ZNF610: variants seen among roughly 807,000 people sequenced by gnomAD.
ZNF610 encodes the protein zinc finger protein 610, also known as zink finger protein.
Under a neutral mutation model 14.1 loss-of-function variants are expected in ZNF610, and 14 were observed. That is an observed-to-expected ratio of 0.99 (90% confidence interval 0.65 to 1.55). The LOEUF is 1.55. ZNF610 is among the 40% of genes most tolerant of loss of function. The probability of loss-of-function intolerance (pLI) is 0.00; values close to 1 mark genes in which losing one functional copy is unlikely to be tolerated. For missense variants in ZNF610, 530 were observed against 558.0 expected, an observed-to-expected ratio of 0.95 and a Z score of 0.51; for synonymous variants, 185 against 187.6, an observed-to-expected ratio of 0.99 and a Z score of 0.11.
rs181849831 is a variant in ZNF610 at position 52,358,017 on chromosome 19, T to G, written c.319+3638T>G. Among the ~76,000 whole-genome samples, 149 of 152,140 alleles carry G rather than the reference T, an allele frequency of 9.8e-4. No individual in the cohort carries two copies. The Middle Eastern group carries it at 0.01, about 10-fold the overall frequency. ...GCTCTCTGAACCCAGTCCTTTTGGG[T>G]TTTTATAGAAGCTTTATTATATAAT... On this transcript the variant is annotated intron_variant, in intron 5 of 5. Transcript: ENST00000403906.
intron 5 of ZNF610, among the ~76,000 whole-genome samples, chr19:52,358,488 T>G (rs1183027006): frequency 6.6e-5 from 10 of 152,242 alleles, no homozygotes; most frequent in Admixed American, 6.5e-4. Flanking sequence ...GGCCTCCTTT[T>G]TCTATTTGTT....
intron 3 of ZNF610, among the ~76,000 whole-genome samples, chr19:52,353,038 A>C (rs1600235416): frequency 6.6e-6 from 1 of 152,070 alleles, no homozygotes; most frequent in East Asian, 1.9e-4. Flanking sequence ...TCCCAGGTTC[A>C]AGCAATTCTC....
Position 52,366,331 on chromosome 19 carries a change from G to A in ZNF610, c.953G>A (p.Cys318Tyr), listed in dbSNP as rs747600782. The change falls in exon 6 of 6, where the codon TGT (cysteine) becomes TAT (tyrosine). Residue 318 changes from cysteine to tyrosine, a missense_variant. Transcript: ENST00000403906. ...VIHTGEKPYK[C>Y]NECGKNFRHK... Reference sequence around the variant, plus strand: ...CATACTGGAGAGAAACCTTACAAATGTAATGAGTGTGGCAAGAACTTCAGG... The same window carrying A: ...CATACTGGAGAGAAACCTTACAAATATAATGAGTGTGGCAAGAACTTCAGG... 5 of 1,614,000 alleles carry A rather than the reference G, an allele frequency of 3.1e-6. No individual in the cohort carries two copies. The African/African-American group carries it at 4.0e-5, about 13-fold the overall frequency.
At position 52,366,754 on chromosome 19, in the gene ZNF610, T is replaced by G; in HGVS notation, c.1376T>G (p.Leu459Ter). ...GCTGGAGAGAATTCACTGCGTACCT[T>G]ACAGATGGAATGAATGTGGCAAAAT... ...IHAGENSLRT[L>*]QME is the part of the protein sequence containing the mutation. Residue 459 changes from leucine to a stop codon, truncating the protein, a stop_gained, in exon 6 of 6, where the codon TTA (leucine) becomes TGA (stop). Transcript: ENST00000403906. LOFTEE classifies it high-confidence loss of function. The G allele has an allele frequency of 6.2e-7, 1 of 1,609,834 alleles. No individual in the cohort carries two copies. Among genetic ancestry groups the G allele is most frequent in the Non-Finnish European group, 8.5e-7 (1 of 1,176,942 alleles).
At chr19:52,363,574 T>C (rs1166283893) in intron 5 of ZNF610, among the ~76,000 whole-genome samples, 2 of 152,222 alleles carry the variant, frequency 1.3e-5, no homozygotes, top group Non-Finnish European at 2.9e-5. Flanking sequence ...TTTATAGTTG[T>C]TATATCTTCT....
intron 1 of ZNF610, among the ~76,000 whole-genome samples, chr19:52,342,261 T>G (rs1984721645): frequency 6.6e-6 from 1 of 152,034 alleles, no homozygotes; most frequent in Non-Finnish European, 1.5e-5. Context: ...AAAATAAAGG[T>G]TTTATTTTCC....
chr19:52,346,250 T>C (rs573850797), intron 1 of ZNF610, among the ~76,000 whole-genome samples: 2 of 151,154 alleles, frequency 1.3e-5, no homozygotes, highest in African/African-American at 4.9e-5. Flanking sequence ...CTGCAACGTC[T>C]GCCTTCCGGG....
upstream of ZNF610, among the ~76,000 whole-genome samples, chr19:52,334,959 A>ACACACACACACACACACACACAC (rs60779202): frequency 1.4e-4 from 21 of 146,610 alleles, no homozygotes; most frequent in South Asian, 4.3e-4. Context: ...ACACACACAC[A>ACACACACACACACACACACACAC]ATGTAATTTA....
chr19:52,361,673 TGA>T (rs1250866193), intron 5 of ZNF610, among the ~76,000 whole-genome samples: 3 of 152,074 alleles, frequency 2.0e-5, no homozygotes, highest in African/African-American at 7.2e-5. Context: ...TTGCTCAGGC[TGA>T]TCTCGAACTC....
chr19:52,360,000 G>C (rs1314973178), intron 5 of ZNF610, among the ~76,000 whole-genome samples: 1 of 152,184 alleles, frequency 6.6e-6, no homozygotes, highest in Non-Finnish European at 1.5e-5. Flanking sequence ...GTAGGGCAAG[G>C]TATGGGGGAA....
intron 5 of ZNF610, among the ~76,000 whole-genome samples, chr19:52,365,477 T>G (rs933611882): frequency 4.6e-5 from 7 of 152,194 alleles, no homozygotes; most frequent in Admixed American, 4.6e-4. Flanking sequence ...GCCCTTAATC[T>G]TTCTCAAAGT....
intron 1 of ZNF610, chr19:52,346,943 T>C (rs1293841289): frequency 2.6e-5 from 4 of 152,182 alleles, no homozygotes; most frequent in Admixed American, 2.6e-4. Context: ...TTGGCCAGGA[T>C]GGTCTTGATC....
At chr19:52,335,596 A>G (rs551563551), upstream of ZNF610, among the ~76,000 whole-genome samples, 1 of 152,290 alleles carries the variant, frequency 6.6e-6, no homozygotes, top group Non-Finnish European at 1.5e-5. Context: ...AGCTGCCAGC[A>G]CAGTCAGAAT....
At chr19:52,344,417 C>T (rs1336236366) in intron 1 of ZNF610, among the ~76,000 whole-genome samples, 5 of 152,156 alleles carry the variant, frequency 3.3e-5, no homozygotes, top group Non-Finnish European at 7.3e-5. Flanking sequence ...CTTTTCCTGC[C>T]ACTGTCTGGA....
intron 1 of ZNF610, chr19:52,347,195 A>C (rs1985001933): frequency 6.6e-6 from 1 of 152,232 alleles, no homozygotes; most frequent in African/African-American, 2.4e-5. Context: ...CAGTGGGACA[A>C]GATGTGGCAC....
intron 1 of ZNF610, among the ~76,000 whole-genome samples, chr19:52,345,995 C>T (rs547862375): frequency 1.3e-5 from 2 of 149,524 alleles, no homozygotes; most frequent in South Asian, 2.1e-4. Flanking sequence ...TGAGCCACTG[C>T]GGCCAGCTTA....
chr19:52,339,262 C>A (rs1984548448), intron 1 of ZNF610, among the ~76,000 whole-genome samples: 1 of 151,862 alleles, frequency 6.6e-6, no homozygotes, highest in Non-Finnish European at 1.5e-5. Flanking sequence ...TTCCTCTTAT[C>A]TTAACTGCAA....
intron 3 of ZNF610, among the ~76,000 whole-genome samples, chr19:52,352,998 G>A (rs1985332248): frequency 1.3e-5 from 2 of 152,068 alleles, no homozygotes; most frequent in Admixed American, 1.3e-4. Flanking sequence ...GAGTGCAGTG[G>A]TGCGATCTCG....
chr19:52,335,508 A>G (rs1350891478), upstream of ZNF610, among the ~76,000 whole-genome samples: 1 of 152,150 alleles, frequency 6.6e-6, no homozygotes, highest in Admixed American at 6.5e-5. Context: ...GAAACTCTCT[A>G]GAGATGAGCA....
Sources: allele counts gnomAD v4.1 joint callset (sites outside exome capture counted in the v4.1 genomes callset), GRCh38; gene constraint gnomAD v4.1.1; transcripts MANE v1.5; gene names NCBI Gene and HGNC (gene_info 2026-07-23, HGNC 2026-07-21).